Variants in WDPCP observed in about 807,000 individuals in gnomAD.
The protein encoded by WDPCP is WD repeat-containing and planar cell polarity effector protein fritz homolog.
A neutral mutation model predicts 93.1 loss-of-function variants in WDPCP; 71 were observed. That is an observed-to-expected ratio of 0.76 (90% CI 0.63 to 0.93). The LOEUF (loss-of-function observed/expected upper bound fraction) is 0.93. WDPCP is among the 40% of genes least tolerant of loss of function. The pLI is 0.00. For missense variants in WDPCP, 844 were observed against 887.4 expected (o/e 0.95, Z 0.62); for synonymous variants, 315 against 315.0 (o/e 1.00, Z 0.00).
intron 13 of WDPCP, among the ~76,000 whole-genome samples, chr2:63,304,139 TC>T (rs1254482776): frequency 2.0e-5 from 3 of 152,188 alleles, no homozygotes; most frequent in African/African-American, 7.2e-5. Context: ...CAACTGGGCA[TC>T]TACCCAAAGG....
At chr2:63,773,748 C>T (rs1670263569) in intron 2 of WDPCP, among the ~76,000 whole-genome samples, 1 of 151,746 alleles carries the variant, frequency 6.6e-6, no homozygotes. Flanking sequence ...CAAATTTTGC[C>T]AAAAGAGCTA....
intron 12 of WDPCP, among the ~76,000 whole-genome samples, chr2:63,324,223 AAGG>A (rs1040280373): frequency 5.9e-5 from 9 of 152,116 alleles, no homozygotes; most frequent in Non-Finnish European, 1.2e-4. Flanking sequence ...CTTTTCATTG[AAGG>A]AGAATACATG....
At chr2:63,433,715 T>C (rs774472913) in intron 9 of WDPCP, 30 bp downstream of exon 9, 59 of 1,543,700 alleles carry the variant, frequency 3.8e-5, no homozygotes, top group Non-Finnish European at 4.9e-5. Context: ...TTACACTTTA[T>C]TAAAATGTAC....
intron 1 of WDPCP, among the ~76,000 whole-genome samples, chr2:63,495,768 TC>T (rs1553411545): frequency 1.3e-5 from 2 of 152,174 alleles, no homozygotes; most frequent in Non-Finnish European, 2.9e-5. Flanking sequence ...ACTCAGTATA[TC>T]CATCACTACG....
rs1052730770 is a variant in WDPCP at position 63,404,608 on chromosome 2, C to A, written c.875G>T (p.Gly292Val). ...GAACACCTGATAAGGCTGTTTGGTG[C>A]CAAAGCGAACATCCAGTGGGTCCCA... ...TEWDPLDVRF[G>V]TKQPYQVFTV... The change falls in exon 10 of 18, where the codon GGC becomes GTC. Residue 292 changes from glycine (G) to valine (V), a missense_variant. By Grantham distance (109) the Gly-to-Val change is moderately radical. Transcript: ENST00000272321. The A allele has an allele frequency of 6.2e-7, 1 of 1,613,908 alleles. No homozygotes were observed. The highest frequency in any genetic ancestry group is 1.3e-5 in the African/African-American group (1 of 74,912).
At chr2:63,675,080 CA>C (rs980857603) in intron 2 of WDPCP, among the ~76,000 whole-genome samples, 4 of 152,152 alleles carry the variant, frequency 2.6e-5, no homozygotes, top group African/African-American at 9.7e-5. Flanking sequence ...AACCCCACCC[CA>C]AACTTCCTTT....
At chr2:63,714,812 G>C (rs1003860742) in intron 2 of WDPCP, among the ~76,000 whole-genome samples, 10 of 152,232 alleles carry the variant, frequency 6.6e-5, no homozygotes, top group African/African-American at 2.2e-4. Flanking sequence ...CTGGGTGAGA[G>C]AGTGAGACTC....
intron 9 of WDPCP, among the ~76,000 whole-genome samples, chr2:63,429,523 C>A (rs1176389896): frequency 1.3e-5 from 2 of 151,882 alleles, no homozygotes; most frequent in African/African-American, 2.4e-5. Context: ...CTATAAAAAG[C>A]GGGCAAAGGA....
In WDPCP at chr2:63,290,452, T is replaced by C. The variant is rs1684327774; in HGVS notation, c.1812+22796A>G. 2.7e-5 allele frequency among the ~76,000 whole-genome samples: 4 copies of C among 145,758 alleles called. No individual in the cohort carries two copies. The South Asian group carries it at 9.0e-4, about 33-fold the overall frequency. ...ACTTTTGCTTTAAATAATTATATACTAAAGAAATTTTAAAATGAGGAAAGA... is the reference window on the plus strand; with the variant it reads ...ACTTTTGCTTTAAATAATTATATACCAAAGAAATTTTAAAATGAGGAAAGA... On this transcript the variant is annotated intron_variant, in intron 13 of 17. Transcript: ENST00000272321.
rs753990383 is a variant in WDPCP, at chr2:63,487,468, A to C, written c.187T>G (p.Tyr63Asp). 3.1e-6 allele frequency: 5 copies of C among 1,594,240 alleles called. No homozygotes were observed. Among genetic ancestry groups the C allele is most frequent in the Non-Finnish European group, 4.3e-6 (5 of 1,163,430 alleles). ...ADRDIGIYQY[Y>D]DKKDPPATEH... ...TTACCTGGTGGATCTTTCTTGTCAT[A>C]ATACTGGTAGATCCCAATGTCTCTA... The change falls in exon 3 of 18, where the codon TAT becomes GAT. Residue 63 changes from tyrosine to aspartate, a missense_variant. Physicochemically the swap from Tyr to Asp is radical, Grantham distance 160. Transcript: ENST00000272321.
intron 13 of WDPCP, among the ~76,000 whole-genome samples, chr2:63,308,704 G>A (rs1183476416): frequency 1.3e-5 from 2 of 152,078 alleles, no homozygotes; most frequent in Admixed American, 6.5e-5. Flanking sequence ...GAGAACACAT[G>A]GACACAGGGA....
rs146909356 is a variant in WDPCP at position 63,527,651 on chromosome 2, A to G, written c.76-34711T>C. Among the ~76,000 whole-genome samples, 464 of 151,508 alleles carry G rather than the reference A, an allele frequency of 3.1e-3. 1 individual carries two copies. Among genetic ancestry groups the G allele is most frequent in the African/African-American group, 9.6e-3 (392 of 40,960 alleles). On this transcript the variant is annotated intron_variant, in intron 1 of 17. Transcript: ENST00000272321. ...ACATTTGGGTTGGTTCCAAGTCTTCACTATTGTGAATAGTGCCGCAGTAAA... is the reference window on the plus strand; with the variant it reads ...ACATTTGGGTTGGTTCCAAGTCTTCGCTATTGTGAATAGTGCCGCAGTAAA...
At chr2:63,249,674 A>T (rs910474282) in intron 14 of WDPCP, among the ~76,000 whole-genome samples, 2 of 152,158 alleles carry the variant, frequency 1.3e-5, no homozygotes, top group African/African-American at 4.8e-5. Context: ...ATTTGGCTGT[A>T]TGTCACTCAG....
intron 2 of WDPCP, among the ~76,000 whole-genome samples, chr2:63,714,204 C>T (rs559829978): frequency 6.6e-6 from 1 of 151,668 alleles, no homozygotes; most frequent in Non-Finnish European, 1.5e-5. Flanking sequence ...TATAGGTACC[C>T]GCCACCATGC....
intron 9 of WDPCP, among the ~76,000 whole-genome samples, chr2:63,426,789 G>A (rs1350199688): frequency 3.3e-5 from 5 of 152,092 alleles, no homozygotes; most frequent in Admixed American, 6.5e-5. Flanking sequence ...AAAAGACAAG[G>A]TCCAAGTGTT....
intron 14 of WDPCP, among the ~76,000 whole-genome samples, chr2:63,236,517 C>T (rs1679406419): frequency 6.6e-6 from 1 of 152,060 alleles, no homozygotes; most frequent in South Asian, 2.1e-4. Context: ...GCTGAATAGC[C>T]ATAGCAATCC....
chr2:63,329,682 T>C (rs927611373), intron 12 of WDPCP, among the ~76,000 whole-genome samples: 1 of 152,180 alleles, frequency 6.6e-6, no homozygotes, highest in Non-Finnish European at 1.5e-5. Context: ...ATGTGAAATA[T>C]CCAAATTTTT....
chr2:63,537,958 C>A, intron 1 of WDPCP, among the ~76,000 whole-genome samples: 1 of 152,228 alleles, frequency 6.6e-6, no homozygotes, highest in Non-Finnish European at 1.5e-5. Flanking sequence ...TAAACAAATG[C>A]CATCTCTGCC....
chr2:63,384,827 T>G (rs1423038560), intron 10 of WDPCP, among the ~76,000 whole-genome samples: 1 of 151,828 alleles, frequency 6.6e-6, no homozygotes, highest in African/African-American at 2.4e-5. Context: ...ACTCATTTCA[T>G]GTGGTTAGAA....
Sources: gnomAD v4.1 joint callset for allele counts (sites outside exome capture counted in the v4.1 genomes callset) on GRCh38, gnomAD v4.1.1 for gene constraint, MANE v1.5 for transcripts, NCBI Gene and HGNC (gene_info 2026-07-23, HGNC 2026-07-21) for gene names.